Variants in CAST observed in about 807,000 individuals in gnomAD.
The protein encoded by CAST is calpastatin.
A neutral mutation model predicts 119.6 loss-of-function variants in CAST; 76 were observed. The ratio of observed to expected loss-of-function variants is 0.64; its 90% CI spans 0.53 to 0.77. The LOEUF (loss-of-function observed/expected upper bound fraction) is 0.77. CAST is among the 30% of genes least tolerant of loss of function. The probability of loss-of-function intolerance (pLI) is 0.00; values close to 1 mark genes in which losing one functional copy is unlikely to be tolerated. For missense variants in CAST, 953 were observed against 946.5 expected (o/e 1.01, Z -0.09); for synonymous variants, 319 against 331.6 (o/e 0.96, Z 0.41).
At chr5:96,603,048 A>G (rs73152055) in intron 1 of CAST, among the ~76,000 whole-genome samples, 12,621 of 152,248 alleles carry the variant, frequency 0.083, 601 homozygotes, top group African/African-American at 0.14. Context: ...TTGCTGATTC[A>G]GGATGTGAAA....
the CAST span, among the ~76,000 whole-genome samples, chr5:96,106,433 T>C: frequency 6.6e-6 from 1 of 152,190 alleles, no homozygotes; most frequent in African/African-American, 2.4e-5. Flanking sequence ...TTTTTGTTCT[T>C]GTTGGTTTCA....
At chr5:96,108,546 G>A in the CAST span, among the ~76,000 whole-genome samples, 1 of 151,762 alleles carries the variant, frequency 6.6e-6, no homozygotes, top group Non-Finnish European at 1.5e-5. Context: ...GGGGATCAGG[G>A]GTCAGGGACC....
chr5:96,523,522 G>C (rs1252007096), upstream of CAST, among the ~76,000 whole-genome samples: 3 of 152,192 alleles, frequency 2.0e-5, no homozygotes, highest in African/African-American at 7.2e-5. Flanking sequence ...CTTTGCTTAG[G>C]ATGCCTTCCA....
At chr5:96,407,170 G>T in the CAST span, among the ~76,000 whole-genome samples, 1 of 152,066 alleles carries the variant, frequency 6.6e-6, no homozygotes, top group African/African-American at 2.4e-5. Flanking sequence ...TAAAGAAACA[G>T]ACTGACAAAC....
chr5:96,657,720 G>A (rs1748184091), upstream of CAST, among the ~76,000 whole-genome samples: 2 of 152,130 alleles, frequency 1.3e-5, no homozygotes, highest in Admixed American at 6.6e-5. Context: ...TTTGTGAGTG[G>A]GAGAAAAATG....
chr5:96,416,926 C>G, the CAST span, among the ~76,000 whole-genome samples: 1 of 152,190 alleles, frequency 6.6e-6, no homozygotes, highest in Non-Finnish European at 1.5e-5. Flanking sequence ...TTTCCCACCA[C>G]CATCCTGACT....
chr5:96,176,041 G>T, the CAST span, among the ~76,000 whole-genome samples: 1 of 152,214 alleles, frequency 6.6e-6, no homozygotes, highest in Non-Finnish European at 1.5e-5. Flanking sequence ...GGCTCGTCTA[G>T]CTCTATTTTG....
the CAST span, among the ~76,000 whole-genome samples, chr5:96,248,773 G>T: frequency 6.6e-6 from 1 of 152,180 alleles, no homozygotes; most frequent in Non-Finnish European, 1.5e-5. Context: ...TGTTAGCAAA[G>T]TTCTAAGAGA....
the CAST span, among the ~76,000 whole-genome samples, chr5:96,136,276 A>C: frequency 6.6e-6 from 1 of 152,092 alleles, no homozygotes; most frequent in Non-Finnish European, 1.5e-5. Context: ...CCTTCACCCC[A>C]CTTATTAACT....
chr5:96,092,248 GT>G, the CAST span, among the ~76,000 whole-genome samples: 1 of 152,004 alleles, frequency 6.6e-6, no homozygotes, highest in African/African-American at 2.4e-5. Context: ...CTTGCTTTCT[GT>G]TTTTTATTCT....
At chr5:96,130,021 C>CT in the CAST span, among the ~76,000 whole-genome samples, 33,883 of 129,448 alleles carry the variant, frequency 0.26, 5,103 homozygotes, top group East Asian at 0.36. Context: ...AACACACACA[C>CT]TTTTTTTTTT....
At chr5:96,688,594 T>C (rs1380587751) in intron 2 of CAST, among the ~76,000 whole-genome samples, 1 of 152,224 alleles carries the variant, frequency 6.6e-6, no homozygotes, top group Non-Finnish European at 1.5e-5. Flanking sequence ...TTATATTAGG[T>C]AAAAATCTTT....
the CAST span, among the ~76,000 whole-genome samples, chr5:96,389,122 T>C: frequency 7.2e-5 from 11 of 152,042 alleles, no homozygotes; most frequent in Non-Finnish European, 1.3e-4. Flanking sequence ...TGGGGAGATA[T>C]AGGTCAAATA....
rs571902188 is a variant in CAST, at chr5:96,695,955, G to C, written c.210+48G>C. Reference sequence around the variant, plus strand: ...AAAGACCCCTACTGTATTCTACAGGGATATGATTAGTGGGTGGGGCCTGTA... The same window carrying C: ...AAAGACCCCTACTGTATTCTACAGGCATATGATTAGTGGGTGGGGCCTGTA... On this transcript the variant is annotated intron_variant, in intron 3 of 31. Transcript: ENST00000675179. The C allele has an allele frequency of 1.1e-5, 14 of 1,328,108 alleles. No individual in the cohort carries two copies. The South Asian group carries it at 1.6e-4, about 16-fold the overall frequency. 82.3% of individuals were successfully genotyped at this position (1,328,108 alleles called of 1,614,324 possible). A position where few individuals can be genotyped will look rare whatever the true frequency, so the allele number is the denominator to read the frequency against.
intron 24 of CAST, among the ~76,000 whole-genome samples, chr5:96,759,307 T>C (rs762511774): frequency 6.6e-6 from 1 of 152,164 alleles, no homozygotes; most frequent in Non-Finnish European, 1.5e-5. Flanking sequence ...CCATGCTCTT[T>C]GATATAATAG....
intron 2 of CAST, chr5:96,679,562 A>G (rs1751101121): frequency 6.6e-6 from 1 of 152,236 alleles, no homozygotes; most frequent in Admixed American, 6.5e-5. Context: ...AATGGAATTT[A>G]AAGTATAAAA....
chr5:96,764,636 A>T (rs947593465), intron 25 of CAST, among the ~76,000 whole-genome samples: 2 of 152,162 alleles, frequency 1.3e-5, no homozygotes, highest in African/African-American at 4.8e-5. Context: ...TTAGGATGGC[A>T]GTGCCGAGCT....
chr5:95,984,721 G>A, the CAST span, among the ~76,000 whole-genome samples: 9 of 152,152 alleles, frequency 5.9e-5, no homozygotes, highest in East Asian at 1.7e-3. Flanking sequence ...TCCAGCACTG[G>A]TATGACACTG....
At chr5:96,659,931 T>C (rs1748222017), upstream of CAST, among the ~76,000 whole-genome samples, 1 of 152,222 alleles carries the variant, frequency 6.6e-6, no homozygotes. Flanking sequence ...ATCAGGGTCT[T>C]CAGCTTCTTT....
Sources: allele counts gnomAD v4.1 joint callset (sites outside exome capture counted in the v4.1 genomes callset), GRCh38; gene constraint gnomAD v4.1.1; transcripts MANE v1.5; gene names NCBI Gene and HGNC (gene_info 2026-07-23, HGNC 2026-07-21).